RBFOX1: variants seen among roughly 807,000 people sequenced by gnomAD.
RBFOX1 encodes the protein RNA binding fox-1 homolog 1, also known as RNA binding protein fox-1 homolog 1.
Under a neutral mutation model 57.7 loss-of-function variants are expected in RBFOX1, and 8 were observed. The observed-to-expected ratio is 0.14, with a 90% confidence interval of 0.08 to 0.25. The LOEUF (loss-of-function observed/expected upper bound fraction) is 0.25, where lower values mean the gene tolerates loss of function less well. RBFOX1 is among the 10% of genes least tolerant of loss of function. The pLI is 1.00. For synonymous variants in RBFOX1, 326 were observed against 222.4 expected (o/e 1.47, Z -4.15); for missense variants, 611 against 548.5 (o/e 1.11, Z -1.14).
At position 7,271,659 on chromosome 16, in the gene RBFOX1, G is replaced by C. The variant is rs185012891; in HGVS notation, c.27+219561G>C. On this transcript the variant is annotated intron_variant, in intron 4 of 15. Coordinates refer to ENST00000550418, the MANE Select transcript of RBFOX1 (RefSeq NM_018723.4). ...AACCAAGACCATCTGATGTACCATT[G>C]ATGGCTCAAATGCCAGATGTCGGGA... 7.2e-5 allele frequency among the ~76,000 whole-genome samples: 11 copies of C among 152,210 alleles called. No homozygotes were observed. In the East Asian group the frequency reaches 2.1e-3, roughly 29 times the overall value.
Position 6,459,541 on chromosome 16 carries a change from T to C in RBFOX1, c.-64+142484T>C, listed in dbSNP as rs1195558127. Among the ~76,000 whole-genome samples, 4 of 152,308 alleles carry C rather than the reference T, an allele frequency of 2.6e-5. 1 individual carries two copies. In the East Asian group the frequency reaches 7.7e-4, roughly 29 times the overall value. ...AGCTGATCAGTCACTGACCTCTATA[T>C]CTCATCTCAAAGATTTTCTTTTAAT... On this transcript the variant is annotated intron_variant, in intron 2 of 15. Transcript: ENST00000550418.
chr16:6,018,668 T>C (rs2095015979), upstream of RBFOX1, among the ~76,000 whole-genome samples: 1 of 152,112 alleles, frequency 6.6e-6, no homozygotes, highest in South Asian at 2.1e-4. Flanking sequence ...CCGGAAGATT[T>C]GAAGACTTGC....
chr16:6,997,288 C>T (rs2092344199), intron 3 of RBFOX1, among the ~76,000 whole-genome samples: 3 of 151,962 alleles, frequency 2.0e-5, no homozygotes, highest in East Asian at 3.9e-4. Context: ...AGTCTGCCAC[C>T]AATACATGTT....
At chr16:7,055,388 C>T (rs1598282586) in intron 4 of RBFOX1, among the ~76,000 whole-genome samples, 1 of 152,100 alleles carries the variant, frequency 6.6e-6, no homozygotes. Context: ...CTCCACCTCC[C>T]AGTTCCAGGG....
In RBFOX1 at chr16:7,089,680, C is replaced by T. The variant is rs148691368; in HGVS notation, c.27+37582C>T. ...AACTCAAAGCAGAGGAAAAATGATG[C>T]GTGTCCCAGACCCCCTTCCACATCC... On this transcript the variant is annotated intron_variant, in intron 4 of 15. Coordinates refer to ENST00000550418, the MANE Select transcript of RBFOX1 (RefSeq NM_018723.4). 3.1e-3 allele frequency among the ~76,000 whole-genome samples: 475 copies of T among 152,238 alleles called. 2 individuals are homozygous for T. The highest frequency in any genetic ancestry group is 5.0e-3 in the South Asian group (24 of 4,814).
chr16:7,402,259 T>C (rs2098257212), intron 4 of RBFOX1, among the ~76,000 whole-genome samples: 2 of 152,150 alleles, frequency 1.3e-5, no homozygotes, highest in Admixed American at 6.5e-5. Flanking sequence ...AACTAAGTTA[T>C]TCAGTCCCGG....
chr16:5,818,124 C>T (rs555936924), intron 3 of RBFOX1, among the ~76,000 whole-genome samples: 2 of 152,262 alleles, frequency 1.3e-5, no homozygotes, highest in African/African-American at 4.8e-5. Flanking sequence ...AGTAATGATA[C>T]TTCATTAGAT....
chr16:6,086,971 G>C (rs1437854434), intron 1 of RBFOX1, among the ~76,000 whole-genome samples: 1 of 152,168 alleles, frequency 6.6e-6, no homozygotes, highest in Non-Finnish European at 1.5e-5. Flanking sequence ...GAGTCACAAA[G>C]CTGTAGCAAC....
chr16:6,791,632 G>A (rs2082966269), intron 3 of RBFOX1, among the ~76,000 whole-genome samples: 1 of 152,182 alleles, frequency 6.6e-6, no homozygotes, highest in Admixed American at 6.5e-5. Flanking sequence ...AGTGGTGCGT[G>A]CTTGTAGTCC....
intron 3 of RBFOX1, among the ~76,000 whole-genome samples, chr16:5,627,534 A>G (rs1303377255): frequency 6.6e-6 from 1 of 152,168 alleles, no homozygotes; most frequent in Non-Finnish European, 1.5e-5. Context: ...GGGTTTTTAT[A>G]TTAAAAAATC....
intron 1 of RBFOX1, among the ~76,000 whole-genome samples, chr16:5,379,400 T>C (rs941151259): frequency 6.7e-6 from 1 of 149,514 alleles, no homozygotes; most frequent in Non-Finnish European, 1.5e-5. Flanking sequence ...GAGTTACACT[T>C]GGGCCATTCC....
intron 5 of RBFOX1, among the ~76,000 whole-genome samples, chr16:7,545,155 A>G (rs921909444): frequency 2.0e-5 from 3 of 152,218 alleles, no homozygotes; most frequent in African/African-American, 7.2e-5. Flanking sequence ...CATCAAGGTG[A>G]ACTTGAGTAG....
chr16:7,266,749 C>T (rs1335446111), intron 4 of RBFOX1, among the ~76,000 whole-genome samples: 1 of 151,886 alleles, frequency 6.6e-6, no homozygotes, highest in Non-Finnish European at 1.5e-5. Context: ...GAATTTTTAG[C>T]TAATGTTAAA....
chr16:6,715,672 TTGAAGA>T (rs2064662892), intron 3 of RBFOX1, among the ~76,000 whole-genome samples: 1 of 152,176 alleles, frequency 6.6e-6, no homozygotes, highest in Admixed American at 6.5e-5. Flanking sequence ...AACCCATTTC[TTGAAGA>T]TGAAGCAGCC....
intron 2 of RBFOX1, among the ~76,000 whole-genome samples, chr16:5,587,335 G>A (rs899041381): frequency 7.2e-5 from 11 of 152,194 alleles, no homozygotes; most frequent in South Asian, 2.1e-4. Context: ...AAAGATGCTC[G>A]ACATCGTCAG....
At chr16:6,646,919 A>T (rs2098538984) in intron 2 of RBFOX1, among the ~76,000 whole-genome samples, 1 of 152,190 alleles carries the variant, frequency 6.6e-6, no homozygotes, top group Admixed American at 6.5e-5. Flanking sequence ...CCGCGTGTAC[A>T]CATGATCCCA....
chr16:5,431,889 C>G (rs1170752221), intron 1 of RBFOX1, among the ~76,000 whole-genome samples: 1 of 152,124 alleles, frequency 6.6e-6, no homozygotes, highest in East Asian at 1.9e-4. Flanking sequence ...GGAGCGGTAC[C>G]TTCCCTGCTG....
At chr16:7,302,620 C>G (rs938793206) in intron 4 of RBFOX1, among the ~76,000 whole-genome samples, 1 of 148,630 alleles carries the variant, frequency 6.7e-6, no homozygotes, top group Non-Finnish European at 1.5e-5. Context: ...CAGCTGATCT[C>G]TTGGTCTGAA....
At chr16:6,178,365 A>G (rs2097031702) in intron 1 of RBFOX1, among the ~76,000 whole-genome samples, 1 of 151,526 alleles carries the variant, frequency 6.6e-6, no homozygotes, top group Non-Finnish European at 1.5e-5. Context: ...TGGTATTTTT[A>G]GTATAGATGG....
Sources: gnomAD v4.1 joint callset for allele counts (sites outside exome capture counted in the v4.1 genomes callset) on GRCh38, gnomAD v4.1.1 for gene constraint, MANE v1.5 for transcripts, NCBI Gene and HGNC (gene_info 2026-07-23, HGNC 2026-07-21) for gene names.